Variants in MYO1E observed in about 807,000 individuals in gnomAD.
MYO1E encodes the protein unconventional myosin-Ie.
Under a neutral mutation model 151.1 loss-of-function variants are expected in MYO1E, and 68 were observed. The ratio of observed to expected loss-of-function variants is 0.45; its 90% confidence interval spans 0.37 to 0.55. The LOEUF (loss-of-function observed/expected upper bound fraction) is 0.55. Ranked by LOEUF, MYO1E falls within the 20% of genes least tolerant of loss-of-function variation. MYO1E has a pLI of 0.00. For missense variants in MYO1E, 1,363 were observed against 1,389.3 expected (o/e 0.98, Z 0.30); for synonymous variants, 601 against 501.7 (o/e 1.20, Z -2.64).
At chr15:59,253,752 G>A (rs971607579) in intron 4 of MYO1E, among the ~76,000 whole-genome samples, 18 of 152,048 alleles carry the variant, frequency 1.2e-4, no homozygotes, top group Non-Finnish European at 8.8e-5. Flanking sequence ...GATCACAGGT[G>A]TGAACCACCA....
intron 1 of MYO1E, among the ~76,000 whole-genome samples, chr15:59,274,059 CT>C (rs71864504): frequency 2.0e-5 from 3 of 150,688 alleles, no homozygotes; most frequent in Non-Finnish European, 4.5e-5. Flanking sequence ...AAATGGTTTA[CT>C]TTTTTTTCGA....
At position 59,153,581 on chromosome 15, in the gene MYO1E, G is replaced by C. The variant is rs755160871; in HGVS notation, c.3080+9C>G. On this transcript the variant is annotated intron_variant, in intron 26 of 27. Coordinates refer to ENST00000288235, the MANE Select transcript of MYO1E (RefSeq NM_004998.4). ...TGCCGGCTTCATCCAGAGGATGTGAGAATCTTACCCTGCAGCTCCCTGGTC... is the reference window on the plus strand; with the variant it reads ...TGCCGGCTTCATCCAGAGGATGTGACAATCTTACCCTGCAGCTCCCTGGTC... 6 of 1,613,754 alleles carry C rather than the reference G, an allele frequency of 3.7e-6. No homozygotes were observed. The highest frequency in any genetic ancestry group is 1.7e-4 in the Middle Eastern group (1 of 5,880).
intron 26 of MYO1E, among the ~76,000 whole-genome samples, chr15:59,149,661 G>T (rs1253238873): frequency 6.6e-6 from 1 of 152,234 alleles, no homozygotes; most frequent in African/African-American, 2.4e-5. Flanking sequence ...GAATTAACTT[G>T]AGGTGCTAAT....
intron 17 of MYO1E, among the ~76,000 whole-genome samples, chr15:59,191,326 C>CAGAGACAGAGAG (rs1163265511): frequency 1.0e-4 from 9 of 85,810 alleles, no homozygotes; most frequent in African/African-American, 7.5e-4. Context: ...GTCAGACAGA[C>CAGAGACAGAGAG]AGAGACAGAG....
At chr15:59,145,832 G>A (rs746258511) in intron 26 of MYO1E, among the ~76,000 whole-genome samples, 1 of 152,156 alleles carries the variant, frequency 6.6e-6, no homozygotes, top group Non-Finnish European at 1.5e-5. Flanking sequence ...CTTGAAATTG[G>A]CCATGAAGAG....
At chr15:59,269,635 A>G (rs1176507177) in intron 2 of MYO1E, among the ~76,000 whole-genome samples, 2 of 152,032 alleles carry the variant, frequency 1.3e-5, no homozygotes. Flanking sequence ...AGGTGGACAG[A>G]TCATGAGGTG....
intron 19 of MYO1E, among the ~76,000 whole-genome samples, chr15:59,174,740 AAT>A (rs1201575584): frequency 1.3e-5 from 2 of 152,088 alleles, no homozygotes; most frequent in African/African-American, 4.8e-5. Flanking sequence ...GTTCCAAGAA[AAT>A]ATAGACTTCC....
At chr15:59,372,428 G>T in intron 1 of MYO1E, 70 bp downstream of exon 1, 2 of 1,531,598 alleles carry the variant, frequency 1.3e-6, no homozygotes, top group Non-Finnish European at 1.8e-6. Flanking sequence ...CCCAAGGTGG[G>T]TGCACCACGC....
chr15:59,153,720 T>C lies in MYO1E; in HGVS notation c.2950A>G (p.Asn984Asp). ...YPHAPGSQRS[N>D]QKSLYTSMAR... ...ATGGAGGTGTACAGGCTTTTCTGAT[T>C]GGACCTCTGGCTTCCAGGAGCATGG... The change falls in exon 26 of 28, where the codon AAT (asparagine) becomes GAT (aspartate). Residue 984 changes from asparagine (N) to aspartate (D), a missense_variant. Transcript: ENST00000288235. 1 of 1,614,138 alleles carries C rather than the reference T, an allele frequency of 6.2e-7. No homozygotes were observed. Among genetic ancestry groups the C allele is most frequent in the East Asian group, 2.2e-5 (1 of 44,880 alleles).
At chr15:59,278,291 C>T (rs2080333429) in intron 1 of MYO1E, among the ~76,000 whole-genome samples, 1 of 152,196 alleles carries the variant, frequency 6.6e-6, no homozygotes, top group South Asian at 2.1e-4. Context: ...CCCTGAGAAG[C>T]AGATAAACCA....
intron 2 of MYO1E, among the ~76,000 whole-genome samples, chr15:59,262,523 C>A (rs4775141): frequency 3.3e-5 from 5 of 152,210 alleles, no homozygotes; most frequent in Non-Finnish European, 7.3e-5. Context: ...AGCTACTGGG[C>A]AGGCTGAGGC....
Position 59,158,301 on chromosome 15 carries a change from GCAGCTCT to G in MYO1E, c.2857_2863del (p.Arg953ProfsTer151). 6.4e-7 allele frequency: 1 copy of G among 1,574,194 alleles called. No individual in the cohort carries two copies. The highest frequency in any genetic ancestry group is 8.6e-7 in the Non-Finnish European group (1 of 1,157,542). On this transcript the variant is annotated frameshift_variant, in exon 25 of 28. Transcript: ENST00000288235. LOFTEE classifies it high-confidence loss of function. Reference sequence around the variant, plus strand: ...AGCTGGCTTACCTGGGGGAGGAGGGGCAGCTCTCACTGGGTAGTTGGCATTTTGAGTC... The same window carrying G: ...AGCTGGCTTACCTGGGGGAGGAGGGGCACTGGGTAGTTGGCATTTTGAGTC...
At chr15:59,263,843 T>C (rs1446245011) in intron 2 of MYO1E, among the ~76,000 whole-genome samples, 1 of 152,146 alleles carries the variant, frequency 6.6e-6, no homozygotes. Context: ...ATGGAAAATG[T>C]ATTCCCAATT....
At chr15:59,188,535 A>G (rs1346625967) in intron 17 of MYO1E, among the ~76,000 whole-genome samples, 1 of 152,030 alleles carries the variant, frequency 6.6e-6, no homozygotes, top group African/African-American at 2.4e-5. Context: ...GTCTCTATTA[A>G]AAATAAAAAA....
chr15:59,284,999 C>G (rs987422777), intron 1 of MYO1E, among the ~76,000 whole-genome samples: 6 of 152,186 alleles, frequency 3.9e-5, no homozygotes, highest in African/African-American at 1.4e-4. Context: ...GCTCTGCTAG[C>G]ATGTCACATA....
At chr15:59,333,837 T>C (rs2080712494) in intron 1 of MYO1E, among the ~76,000 whole-genome samples, 1 of 152,190 alleles carries the variant, frequency 6.6e-6, no homozygotes, top group Non-Finnish European at 1.5e-5. Context: ...AAGTAAACAC[T>C]TCAGAACCAG....
At chr15:59,225,670 G>A (rs1234736317) in intron 7 of MYO1E, among the ~76,000 whole-genome samples, 2 of 138,018 alleles carry the variant, frequency 1.4e-5, no homozygotes, top group Non-Finnish European at 1.5e-5. Flanking sequence ...TTTTTGAGAC[G>A]GAGTCTCACT....
intron 4 of MYO1E, among the ~76,000 whole-genome samples, chr15:59,248,305 GAAAC>G (rs2080142914): frequency 6.6e-6 from 1 of 151,222 alleles, no homozygotes; most frequent in African/African-American, 2.4e-5. Context: ...CCAACATGGT[GAAAC>G]CCTGTCTCTA....
chr15:59,320,813 C>CA (rs1359912459), intron 1 of MYO1E, among the ~76,000 whole-genome samples: 1 of 152,064 alleles, frequency 6.6e-6, no homozygotes, highest in Non-Finnish European at 1.5e-5. Context: ...ACAACTGCAA[C>CA]AAAAACAAAA....
Sources: allele counts gnomAD v4.1 joint callset (sites outside exome capture counted in the v4.1 genomes callset), GRCh38; gene constraint gnomAD v4.1.1; transcripts MANE v1.5; gene names NCBI Gene and HGNC (gene_info 2026-07-23, HGNC 2026-07-21).